SPAG16: variants seen among roughly 807,000 people sequenced by gnomAD.
The protein encoded by SPAG16 is sperm associated antigen 16.
SPAG16 carries 86 observed loss-of-function variants against 80.4 expected under a neutral mutation model. The ratio of observed to expected loss-of-function variants is 1.07; its 90% CI spans 0.90 to 1.28. The LOEUF is 1.28. Among genes scored for constraint, SPAG16 ranks in the 50% most tolerant of loss-of-function variants. The probability of loss-of-function intolerance (pLI) is 0.00; values close to 1 mark genes in which losing one functional copy is unlikely to be tolerated. For synonymous variants in SPAG16, 294 were observed against 265.9 expected, an observed-to-expected ratio of 1.11 and a Z score of -1.03; for missense variants, 870 against 765.3, an observed-to-expected ratio of 1.14 and a Z score of -1.61.
intron 12 of SPAG16, 65 bp downstream of exon 12, chr2:213,930,210 A>G: frequency 7.6e-7 from 1 of 1,311,176 alleles, no homozygotes; most frequent in Non-Finnish European, 1.0e-6. Context: ...AAAGTGGTAA[A>G]GTTCTTTTTT....
intron 11 of SPAG16, among the ~76,000 whole-genome samples, chr2:213,899,900 C>A (rs2077148134): frequency 1.3e-5 from 2 of 152,074 alleles, no homozygotes; most frequent in Admixed American, 6.6e-5. Context: ...TTACTTAGAA[C>A]CTTCACAAGT....
At chr2:213,825,276 T>C (rs1442992207) in intron 10 of SPAG16, among the ~76,000 whole-genome samples, 1 of 152,158 alleles carries the variant, frequency 6.6e-6, no homozygotes, top group Non-Finnish European at 1.5e-5. Context: ...ATAACAGTGG[T>C]GGCAGTGGGC....
chr2:214,171,860 T>C (rs1415137501), intron 15 of SPAG16, among the ~76,000 whole-genome samples: 1 of 151,958 alleles, frequency 6.6e-6, no homozygotes, highest in Non-Finnish European at 1.5e-5. Context: ...GTTTTTTTCT[T>C]TTTAAAATAC....
chr2:214,243,805 A>G (rs1034716298), intron 15 of SPAG16, among the ~76,000 whole-genome samples: 7 of 152,266 alleles, frequency 4.6e-5, no homozygotes, highest in African/African-American at 1.4e-4. Context: ...TTGGATTGGC[A>G]ACAGTAAATA....
intron 9 of SPAG16, among the ~76,000 whole-genome samples, chr2:213,460,654 A>G (rs1215619869): frequency 6.6e-6 from 1 of 152,200 alleles, no homozygotes; most frequent in African/African-American, 2.4e-5. Flanking sequence ...AATTTGATAT[A>G]CATGTGCATG....
At position 213,959,160 on chromosome 2, in the gene SPAG16, G is replaced by A. The variant is rs79439862; in HGVS notation, c.1400+29015G>A. On this transcript the variant is annotated intron_variant, in intron 12 of 15. Transcript: ENST00000331683. ...GAGCATCACTTGCATGAAACAAGTT[G>A]CTTATTTCTTAGAATTTTCAAGGTT... Among the ~76,000 whole-genome samples, 887 of 152,182 alleles carry A rather than the reference G, an allele frequency of 5.8e-3. 8 individuals are homozygous for A. The highest frequency in any genetic ancestry group is 0.021 in the African/African-American group (856 of 41,534).
intron 15 of SPAG16, among the ~76,000 whole-genome samples, chr2:214,265,114 A>G (rs916337461): frequency 6.6e-6 from 1 of 152,152 alleles, no homozygotes; most frequent in South Asian, 2.1e-4. Context: ...CTTTTGAGTA[A>G]ACGCTTAGAA....
chr2:214,319,859 A>G (rs1403919848), intron 15 of SPAG16, among the ~76,000 whole-genome samples: 1 of 152,192 alleles, frequency 6.6e-6, no homozygotes, highest in Non-Finnish European at 1.5e-5. Flanking sequence ...TGCAGTGGTA[A>G]ATTAACAATG....
chr2:213,636,109 T>G (rs2125097472), intron 10 of SPAG16, among the ~76,000 whole-genome samples: 1 of 152,332 alleles, frequency 6.6e-6, no homozygotes, highest in South Asian at 2.1e-4. Flanking sequence ...TTGATTCATC[T>G]TGAGTTGATT....
chr2:213,573,836 T>C (rs2060016471), intron 10 of SPAG16, among the ~76,000 whole-genome samples: 1 of 152,188 alleles, frequency 6.6e-6, no homozygotes, highest in Non-Finnish European at 1.5e-5. Flanking sequence ...GGTAACCACA[T>C]GATGATATTT....
intron 9 of SPAG16, among the ~76,000 whole-genome samples, chr2:213,431,050 C>G (rs958429246): frequency 1.3e-5 from 2 of 152,134 alleles, no homozygotes; most frequent in African/African-American, 4.8e-5. Flanking sequence ...ACCAGCTCTA[C>G]TAGAAATGCT....
At chr2:214,274,419 T>C (rs1692289005) in intron 15 of SPAG16, among the ~76,000 whole-genome samples, 1 of 152,232 alleles carries the variant, frequency 6.6e-6, no homozygotes, top group East Asian at 1.9e-4. Context: ...CAGCATGATA[T>C]TGGCTGTGAG....
intron 12 of SPAG16, among the ~76,000 whole-genome samples, chr2:213,968,150 T>TCTCTC (rs1446547082): frequency 7.9e-6 from 1 of 127,376 alleles, no homozygotes; most frequent in Non-Finnish European, 1.8e-5. Context: ...TCTCTTCTCT[T>TCTCTC]CTCTCCTCTT....
chr2:213,469,548 C>A (rs958638549), intron 9 of SPAG16, among the ~76,000 whole-genome samples: 1 of 148,676 alleles, frequency 6.7e-6, no homozygotes, highest in Non-Finnish European at 1.5e-5. Context: ...ATTCCCTTTG[C>A]CTTCAGCAAG....
chr2:213,950,069 A>T (rs916248356), intron 12 of SPAG16, among the ~76,000 whole-genome samples: 2 of 152,188 alleles, frequency 1.3e-5, no homozygotes, highest in African/African-American at 2.4e-5. Context: ...CTTATTCATG[A>T]GTTCTACAGT....
Position 213,768,012 on chromosome 2 carries a change from G to A in SPAG16, c.1071-94473G>A, listed in dbSNP as rs143609886. 1.4e-4 allele frequency among the ~76,000 whole-genome samples: 21 copies of A among 152,270 alleles called. No homozygotes were observed. The East Asian group carries it at 4.0e-3, about 29-fold the overall frequency. On this transcript the variant is annotated intron_variant, in intron 10 of 15. Coordinates refer to ENST00000331683, the MANE Select transcript of SPAG16 (RefSeq NM_024532.5). ...CTGCACTGGAACAGCTCTTAACTCA[G>A]TTTGGCAATGGTGGGTAAGTTTGAC... is the stretch of plus-strand genomic sequence containing the variant.
intron 11 of SPAG16, among the ~76,000 whole-genome samples, chr2:213,862,998 A>C (rs529295251): frequency 1.3e-3 from 203 of 152,300 alleles, no homozygotes; most frequent in Non-Finnish European, 2.6e-4. Context: ...TTTTAGAATT[A>C]ATTTATGTAC....
chr2:214,100,175 T>C (rs1198467793), intron 13 of SPAG16, among the ~76,000 whole-genome samples: 1 of 151,982 alleles, frequency 6.6e-6, no homozygotes, highest in Non-Finnish European at 1.5e-5. Flanking sequence ...TGCTGCCATG[T>C]AAGACATGCC....
intron 11 of SPAG16, among the ~76,000 whole-genome samples, chr2:213,901,626 T>C (rs10195668): frequency 6.6e-6 from 1 of 151,278 alleles, no homozygotes; most frequent in African/African-American, 2.4e-5. Context: ...ACATGTAAAC[T>C]TGTACAGGAA....
Sources: gnomAD v4.1 joint callset for allele counts (sites outside exome capture counted in the v4.1 genomes callset) on GRCh38, gnomAD v4.1.1 for gene constraint, MANE v1.5 for transcripts, NCBI Gene and HGNC (gene_info 2026-07-23, HGNC 2026-07-21) for gene names.